MATK: variants seen among roughly 807,000 people sequenced by gnomAD.
The protein encoded by MATK is megakaryocyte-associated tyrosine-protein kinase.
MATK carries 41 observed loss-of-function variants against 59.8 expected under a neutral mutation model. The observed-to-expected ratio is 0.69, with a 90% CI of 0.53 to 0.89. The LOEUF (loss-of-function observed/expected upper bound fraction) is 0.89, where lower values mean the gene tolerates loss of function less well. Among genes scored for constraint, MATK ranks in the 40% least tolerant of loss-of-function variants. MATK has a pLI of 0.00. For missense variants in MATK, 593 were observed against 719.6 expected (o/e 0.82, Z 2.01); for synonymous variants, 308 against 306.1 (o/e 1.01, Z -0.06).
upstream of MATK, among the ~76,000 whole-genome samples, chr19:3,790,485 G>A (rs1490433138): frequency 6.6e-6 from 1 of 152,128 alleles, no homozygotes; most frequent in Non-Finnish European, 1.5e-5. Context: ...ACGTGACTGT[G>A]TCCTCCCTCA....
intron 1 of MATK, among the ~76,000 whole-genome samples, chr19:3,800,128 C>T (rs1231876610): frequency 6.8e-5 from 9 of 133,254 alleles, no homozygotes; most frequent in East Asian, 6.5e-4. Context: ...GGCAACAGAG[C>T]GAGACTCCGT....
chr19:3,793,649 C>G (rs928015560), intron 1 of MATK, among the ~76,000 whole-genome samples: 1 of 150,892 alleles, frequency 6.6e-6, no homozygotes, highest in African/African-American at 2.4e-5. Context: ...TTGCACTGAG[C>G]GGAGATCACG....
rs201189465 is a variant in MATK at position 3,779,525 on chromosome 19, C to T, written c.927+8G>A. 139 of 1,610,998 alleles carry T rather than the reference C, an allele frequency of 8.6e-5. No individual in the cohort carries two copies. The highest frequency in any genetic ancestry group is 1.7e-4 in the Middle Eastern group (1 of 6,002). On this transcript the variant is annotated splice_region_variant and intron_variant, in intron 10 of 13. Coordinates refer to ENST00000310132, the MANE Select transcript of MATK (RefSeq NM_139355.3). Reference sequence around the variant, plus strand: ...GTGGGCCCCCTCCCCGCCTGGGCCCCGCCCCACCTTGCTCACGTGCTCCAT... The same window carrying T: ...GTGGGCCCCCTCCCCGCCTGGGCCCTGCCCCACCTTGCTCACGTGCTCCAT...
At chr19:3,794,330 G>GC (rs1020366756) in intron 1 of MATK, among the ~76,000 whole-genome samples, 1 of 152,116 alleles carries the variant, frequency 6.6e-6, no homozygotes, top group African/African-American at 2.4e-5. Flanking sequence ...CACATAAAAG[G>GC]CCCTTACAGA....
At chr19:3,788,554 G>A (rs1266505137), upstream of MATK, among the ~76,000 whole-genome samples, 1 of 148,440 alleles carries the variant, frequency 6.7e-6, no homozygotes, top group Admixed American at 6.9e-5. Flanking sequence ...GGGAGGCGGA[G>A]GTTGCAGAGA....
chr19:3,794,784 C>G (rs981189088), intron 1 of MATK, among the ~76,000 whole-genome samples: 1 of 152,082 alleles, frequency 6.6e-6, no homozygotes, highest in East Asian at 1.9e-4. Flanking sequence ...CTCTCATGAC[C>G]TCATGCTCTA....
At chr19:3,778,713 T>G in intron 12 of MATK, 118 bp from the exon 13 acceptor site, 6 of 1,175,894 alleles carry the variant, frequency 5.1e-6, no homozygotes, top group Non-Finnish European at 7.3e-6. Flanking sequence ...CCTAATTGAG[T>G]CCTCCCCCAA....
intron 1 of MATK, among the ~76,000 whole-genome samples, chr19:3,794,975 C>CTTT (rs532158792): frequency 6.5e-4 from 70 of 107,890 alleles, no homozygotes; most frequent in East Asian, 1.1e-3. Context: ...TTTTCTTTTG[C>CTTT]TTTTTTTTTT....
intron 12 of MATK, 78 bp downstream of exon 12, chr19:3,778,914 C>A: frequency 7.1e-7 from 1 of 1,410,004 alleles, no homozygotes; most frequent in South Asian, 1.4e-5. Context: ...TTCAGAGAGG[C>A]CAAGGGACAT....
intron 1 of MATK, among the ~76,000 whole-genome samples, chr19:3,795,503 G>C (rs2037585671): frequency 6.6e-6 from 1 of 151,374 alleles, no homozygotes; most frequent in Admixed American, 6.6e-5. Context: ...CCTGACCTTA[G>C]ATGATCTGCC....
chr19:3,798,236 G>T (rs1309464685), intron 1 of MATK, among the ~76,000 whole-genome samples: 1 of 151,888 alleles, frequency 6.6e-6, no homozygotes, highest in East Asian at 1.9e-4. Context: ...TGCCCTCTTT[G>T]TCTCTCCTTC....
Position 3,779,091 on chromosome 19 carries a change from G to A in MATK, c.1098C>T (p.Ala366=), listed in dbSNP as rs765479697. ...TGGCCAGGCCAAAGTCGCTGACCTT[G>A]GCCACCAGGTCCTCTGAGACCAGGA... ...RNILVSEDLV[A]KVSDFGLAKA... is the part of the protein sequence containing the mutation. Residue 366 remains alanine (A), a synonymous_variant, in exon 12 of 14, where the codon GCC becomes GCT. Transcript: ENST00000310132. 68 of 1,609,884 alleles carry A rather than the reference G, an allele frequency of 4.2e-5. 1 individual carries two copies. The highest frequency in any genetic ancestry group is 1.2e-4 in the South Asian group (11 of 91,018).
chr19:3,788,523 G>A (rs2037510813), upstream of MATK, among the ~76,000 whole-genome samples: 1 of 149,660 alleles, frequency 6.7e-6, no homozygotes, highest in Non-Finnish European at 1.5e-5. Context: ...GGGAGGCCAA[G>A]GTAGAGAATT....
chr19:3,783,176 C>A lies in MATK; in HGVS notation c.626G>T (p.Arg209Ile). 6.2e-7 allele frequency: 1 copy of A among 1,614,116 alleles called. No individual in the cohort carries two copies. The highest frequency in any genetic ancestry group is 8.5e-7 in the Non-Finnish European group (1 of 1,179,994). ...DKGAICTKLV[R>I]PKRKHGTKSA... The stretch of plus-strand genomic sequence containing the variant: ...CTTGGTCCCGTGTTTCCGCTTTGGT[C>A]TCACCAGCTTGGTGCAGATAGCGCC... The change falls in exon 7 of 14, where the codon AGA (arginine) becomes ATA (isoleucine). Residue 209 changes from arginine to isoleucine, a missense_variant. Physicochemically the swap from Arg to Ile is moderately conservative, Grantham distance 97. Coordinates refer to ENST00000310132, the MANE Select transcript of MATK (RefSeq NM_139355.3).
At chr19:3,783,253 C>T in intron 6 of MATK, 34 bp from the exon 7 acceptor site, 1 of 1,290,518 alleles carries the variant, frequency 7.7e-7, no homozygotes, top group South Asian at 1.2e-5. Context: ...GAGCCCAGCC[C>T]CAGGGAGGGG....
At chr19:3,779,952 C>T (rs1221804984) in intron 8 of MATK, among the ~76,000 whole-genome samples, 155 bp from the exon 9 acceptor site, 1 of 152,192 alleles carries the variant, frequency 6.6e-6, no homozygotes, top group Admixed American at 6.5e-5. Flanking sequence ...TGCTCCTCAC[C>T]CCTGCCGCCC....
chr19:3,791,504 G>A lies in MATK; in HGVS notation c.-57-2100C>T, dbSNP rs375868382. Among the ~76,000 whole-genome samples, 11 of 152,004 alleles carry A rather than the reference G, an allele frequency of 7.2e-5. No homozygotes were observed. In the East Asian group the frequency reaches 1.4e-3, roughly 19 times the overall value. The stretch of plus-strand genomic sequence containing the variant: ...ATTACAGGTGCCCACCACCATGCCT[G>A]GCTAATTTTTGTATTTTTAGTAGAG... On this transcript the variant is annotated intron_variant, in intron 1 of 13. Transcript: ENST00000395045.
intron 1 of MATK, among the ~76,000 whole-genome samples, chr19:3,798,512 T>A (rs1024694466): frequency 3.3e-5 from 5 of 152,132 alleles, no homozygotes; most frequent in African/African-American, 1.2e-4. Context: ...CTGGATTTTT[T>A]ATTTTTTTTA....
At chr19:3,797,121 G>T (rs1455547899) in intron 1 of MATK, among the ~76,000 whole-genome samples, 1 of 152,020 alleles carries the variant, frequency 6.6e-6, no homozygotes, top group African/African-American at 2.4e-5. Flanking sequence ...TTTCTTGAAT[G>T]ATATCATTGG....
Sources: gnomAD v4.1 joint callset for allele counts (sites outside exome capture counted in the v4.1 genomes callset) on GRCh38, gnomAD v4.1.1 for gene constraint, MANE v1.5 for transcripts, NCBI Gene and HGNC (gene_info 2026-07-23, HGNC 2026-07-21) for gene names.